Variants in CBL observed in about 807,000 individuals in gnomAD.
CBL encodes the protein E3 ubiquitin-protein ligase CBL.
Under a neutral mutation model 96.9 loss-of-function variants are expected in CBL, and 45 were observed. The observed-to-expected ratio is 0.46, with a 90% CI of 0.37 to 0.60. The LOEUF is 0.60. Ranked by LOEUF, CBL falls within the 20% of genes least tolerant of loss-of-function variation. CBL has a pLI of 0.00. For synonymous variants in CBL, 420 were observed against 426.8 expected (o/e 0.98, Z 0.20); for missense variants, 1,024 against 1,143.5 (o/e 0.90, Z 1.51).
At chr11:119,221,020 C>T (rs1290950275) in intron 1 of CBL, among the ~76,000 whole-genome samples, 1 of 150,362 alleles carries the variant, frequency 6.7e-6, no homozygotes, top group Non-Finnish European at 1.5e-5. Context: ...CCGGGGTGGG[C>T]GATCATTTGA....
At chr11:119,218,456 G>A (rs193022187) in intron 1 of CBL, among the ~76,000 whole-genome samples, 4 of 152,246 alleles carry the variant, frequency 2.6e-5, no homozygotes, top group Non-Finnish European at 5.9e-5. Flanking sequence ...CCATAGTTTC[G>A]CTTCCTGCTG....
At chr11:119,297,305 C>T (rs1005383891) in intron 13 of CBL, 79 bp from the exon 14 acceptor site, 33 of 1,165,756 alleles carry the variant, frequency 2.8e-5, no homozygotes, top group African/African-American at 3.0e-5. Flanking sequence ...ATTGGCAAAA[C>T]GAGAAGATGA....
chr11:119,281,177 C>T (rs1295200290), intron 9 of CBL, among the ~76,000 whole-genome samples: 1 of 152,182 alleles, frequency 6.6e-6, no homozygotes, highest in Non-Finnish European at 1.5e-5. Context: ...CTACTTGTCA[C>T]CCTGAGGTGT....
At chr11:119,236,595 GTA>G (rs71048051) in intron 2 of CBL, among the ~76,000 whole-genome samples, 30,774 of 137,442 alleles carry the variant, frequency 0.22, 3,221 homozygotes, top group East Asian at 0.37. Context: ...CTTCTTTTGA[GTA>G]TATATATATA....
At chr11:119,271,627 A>G in intron 2 of CBL, 108 bp from the exon 3 acceptor site, 3 of 937,080 alleles carry the variant, frequency 3.2e-6, no homozygotes, top group Non-Finnish European at 5.1e-6. Flanking sequence ...GTTCTTTCTA[A>G]ATGTATTTTA....
rs201479293 is a variant in CBL, at chr11:119,271,718, A to C, written c.444-17A>C. 4 of 1,610,728 alleles carry C rather than the reference A, an allele frequency of 2.5e-6. No homozygotes were observed. In the South Asian group the frequency reaches 4.4e-5, roughly 18 times the overall value. On this transcript the variant is annotated splice_polypyrimidine_tract_variant and intron_variant, in intron 2 of 15. Coordinates refer to ENST00000264033, the MANE Select transcript of CBL (RefSeq NM_005188.4). ...ATAATTTTATGTGTTTAATTATTGC[A>C]TTCTGATCATTTGTAGGCGAAACCT...
chr11:119,246,895 TATTG>T (rs1178454715), intron 2 of CBL, among the ~76,000 whole-genome samples: 1 of 152,232 alleles, frequency 6.6e-6, no homozygotes, highest in Admixed American at 6.5e-5. Flanking sequence ...ACTTGGAAAA[TATTG>T]ATTGACTAGG....
intron 2 of CBL, among the ~76,000 whole-genome samples, chr11:119,241,817 A>C (rs933880501): frequency 1.3e-5 from 2 of 152,212 alleles, no homozygotes; most frequent in Non-Finnish European, 2.9e-5. Flanking sequence ...GAGAGAGACA[A>C]TGATGGCTTG....
chr11:119,288,747 T>G (rs1466866996), intron 12 of CBL, among the ~76,000 whole-genome samples: 1 of 152,158 alleles, frequency 6.6e-6, no homozygotes, highest in Non-Finnish European at 1.5e-5. Context: ...GTATGTGGGC[T>G]CTAATGAATA....
At position 119,300,871 on chromosome 11, in the gene CBL, T is replaced by C; in HGVS notation, c.*1090T>C. On this transcript the variant is annotated 3_prime_UTR_variant, in exon 16 of 16. Coordinates refer to ENST00000264033, the MANE Select transcript of CBL (RefSeq NM_005188.4). Reference sequence around the variant, plus strand: ...CTTTTAGGAAGCTTCGTTCACATGCTATTTAAATGCACAAAATAGACAGTA... The same window carrying C: ...CTTTTAGGAAGCTTCGTTCACATGCCATTTAAATGCACAAAATAGACAGTA... 1 of 300,456 alleles carries C rather than the reference T, an allele frequency of 3.3e-6. No individual in the cohort carries two copies. Among genetic ancestry groups the C allele is most frequent in the Non-Finnish European group, 6.1e-6 (1 of 163,086 alleles). The allele number at this position is 300,456 out of a possible 1,614,324, so 18.6% of individuals were successfully genotyped here. A position where few individuals can be genotyped will look rare whatever the true frequency, so the allele number is the denominator to read the frequency against.
intron 1 of CBL, among the ~76,000 whole-genome samples, chr11:119,224,317 A>AC (rs1949437492): frequency 6.6e-6 from 1 of 152,006 alleles, no homozygotes; most frequent in African/African-American, 2.4e-5. Flanking sequence ...TGTGTGGTTG[A>AC]CCCTAGAACA....
intron 15 of CBL, among the ~76,000 whole-genome samples, 196 bp from the exon 16 acceptor site, chr11:119,299,299 G>A (rs751209715): frequency 7.9e-5 from 12 of 152,188 alleles, no homozygotes; most frequent in Non-Finnish European, 1.5e-4. Flanking sequence ...GGTATATTTA[G>A]AAGGTTGTTT....
At chr11:119,292,530 C>T (rs936849703) in intron 12 of CBL, among the ~76,000 whole-genome samples, 5 of 152,094 alleles carry the variant, frequency 3.3e-5, no homozygotes, top group Non-Finnish European at 7.4e-5. Context: ...ATGCCATTCT[C>T]CTGCCTCAGC....
chr11:119,294,094 A>G (rs781732247), intron 12 of CBL, among the ~76,000 whole-genome samples: 2 of 152,216 alleles, frequency 1.3e-5, no homozygotes, highest in African/African-American at 2.4e-5. Context: ...AGGAGGTTCA[A>G]TTATGTATTT....
intron 2 of CBL, among the ~76,000 whole-genome samples, chr11:119,247,283 A>G (rs984074884): frequency 6.6e-6 from 1 of 152,216 alleles, no homozygotes; most frequent in Non-Finnish European, 1.5e-5. Context: ...AAGATAGCCT[A>G]CTTTTGCCAC....
Position 119,302,352 on chromosome 11 carries a change from A to T in CBL, c.*2571A>T, listed in dbSNP as rs1354264300. 4.3e-6 allele frequency: 1 copy of T among 232,568 alleles called. No individual in the cohort carries two copies. Among genetic ancestry groups the T allele is most frequent in the Non-Finnish European group, 8.5e-6 (1 of 117,700 alleles). The allele number at this position is 232,568 out of a possible 1,614,324, so 14.4% of individuals were successfully genotyped here. A position where few individuals can be genotyped will look rare whatever the true frequency, so the allele number is the denominator to read the frequency against. ...GTTTTGAGGTTATTCTCAAAACCTT[A>T]ATTTCTTATATTTTCTGTTGACTAA... On this transcript the variant is annotated 3_prime_UTR_variant, in exon 16 of 16. Transcript: ENST00000264033.
chr11:119,294,925 A>G (rs1950053985), intron 12 of CBL, among the ~76,000 whole-genome samples: 1 of 152,196 alleles, frequency 6.6e-6, no homozygotes, highest in African/African-American at 2.4e-5. Context: ...ATGAAATCAT[A>G]TTGTCATTGC....
Position 119,232,504 on chromosome 11 carries a change from C to T in CBL, c.252C>T (p.Ile84=). The T allele has an allele frequency of 1.9e-6, 3 of 1,614,028 alleles. No individual in the cohort carries two copies. In the African/African-American group the frequency reaches 4.0e-5, roughly 22 times the overall value. ...CGCTAAAGAATAGCCCACCTTATAT[C>T]TTAGACCTGCTACCAGATACCTACC... The part of the protein sequence containing the change: ...KLALKNSPPY[I]LDLLPDTYQH... The change falls in exon 2 of 16, where the codon ATC becomes ATT. Residue 84 remains isoleucine, a synonymous_variant. Transcript: ENST00000264033.
chr11:119,275,236 T>G (rs371921156), intron 5 of CBL, among the ~76,000 whole-genome samples: 2 of 151,978 alleles, frequency 1.3e-5, no homozygotes. Flanking sequence ...GTCAGGAGTT[T>G]GAGACCAGCC....
Sources: allele counts gnomAD v4.1 joint callset (sites outside exome capture counted in the v4.1 genomes callset), GRCh38; gene constraint gnomAD v4.1.1; transcripts MANE v1.5; gene names NCBI Gene and HGNC (gene_info 2026-07-23, HGNC 2026-07-21).